The following GALC variants were observed in gnomAD, a reference collection of about 807,000 sequenced individuals.
GALC encodes the protein galactosylceramidase, also known as galactocerebrosidase.
Under a neutral mutation model 91.8 loss-of-function variants are expected in GALC, and 77 were observed. The observed-to-expected ratio is 0.84, with a 90% CI of 0.70 to 1.01. GALC has a LOEUF of 1.01. GALC is among the 50% of genes least tolerant of loss of function. GALC has a pLI of 0.00. For synonymous variants in GALC, 357 were observed against 306.7 expected (o/e 1.16, Z -1.71); for missense variants, 882 against 855.9 (o/e 1.03, Z -0.38).
At chr14:87,967,019 G>T (rs1380652960) in intron 8 of GALC, among the ~76,000 whole-genome samples, 1 of 152,146 alleles carries the variant, frequency 6.6e-6, no homozygotes, top group Non-Finnish European at 1.5e-5. Context: ...GATTCACAAT[G>T]TCTGGGCAGC....
intron 16 of GALC, among the ~76,000 whole-genome samples, chr14:87,938,952 T>C (rs429544): frequency 0.97 from 147,989 of 151,942 alleles, 72,167 homozygotes; most frequent in Non-Finnish European, 1. Flanking sequence ...AAAGACAACA[T>C]GATAGAAAAA....
At position 87,990,438 on chromosome 14, in the gene GALC, A is replaced by G. The variant is rs115633693; in HGVS notation, c.196-1915T>C. The stretch of plus-strand genomic sequence containing the variant: ...TAGATGTATGTAAAGGACTTGGCAC[A>G]TTACCTGGCACATAGTAAGTTCTCA... On this transcript the variant is annotated intron_variant, in intron 1 of 16. Coordinates refer to ENST00000261304, the MANE Select transcript of GALC (RefSeq NM_000153.4). Among the ~76,000 whole-genome samples the G allele has an allele frequency of 3.8e-3, 580 of 152,326 alleles. 3 individuals carry two copies. The highest frequency in any genetic ancestry group is 0.013 in the African/African-American group (540 of 41,584).
At position 87,993,122 on chromosome 14, in the gene GALC, T is replaced by G; in HGVS notation, c.43A>C (p.Lys15Gln). Residue 15 changes from lysine to glutamine, a missense_variant, in exon 1 of 17, where the codon AAA (lysine) becomes CAA (glutamine). Physicochemically the swap from Lys to Gln is moderately conservative, Grantham distance 53. Transcript: ENST00000261304. ...LLSASWQRRAKAMTAAAGSAG... is the reference protein window; with the variant it reads ...LLSASWQRRAQAMTAAAGSAG... ...GAACCCGCGGCCGCAGTCATAGCTT[T>G]CGCTCGGCGTTGCCAGGAAGCCGAG... 2.5e-6 allele frequency: 4 copies of G among 1,587,482 alleles called. No individual in the cohort carries two copies. Among genetic ancestry groups the G allele is most frequent in the Non-Finnish European group, 2.6e-6 (3 of 1,167,978 alleles).
At chr14:87,951,412 T>A (rs1298276901) in intron 10 of GALC, among the ~76,000 whole-genome samples, 3 of 151,958 alleles carry the variant, frequency 2.0e-5, no homozygotes, top group Non-Finnish European at 1.5e-5. Context: ...GAGATTTCAA[T>A]ATCCATCTCT....
At chr14:87,972,671 C>T (rs1886343985) in intron 7 of GALC, among the ~76,000 whole-genome samples, 1 of 151,664 alleles carries the variant, frequency 6.6e-6, no homozygotes, top group Admixed American at 6.6e-5. Context: ...GAAGGCTAAA[C>T]TAGAAGGAAC....
At chr14:87,986,968 C>A in intron 3 of GALC, 1 of 444,248 alleles carries the variant, frequency 2.3e-6, no homozygotes, top group South Asian at 1.7e-5. Context: ...GTTCTGATTA[C>A]CTCAACTTTC....
intron 16 of GALC, 58 bp from the exon 17 acceptor site, chr14:87,934,936 G>T: frequency 7.6e-7 from 1 of 1,318,720 alleles, no homozygotes; most frequent in Non-Finnish European, 1.1e-6. Context: ...TCTGAAGTCT[G>T]TTTCTTGATC....
At chr14:87,941,625 C>T (rs947379038) in intron 14 of GALC, 67 bp from the exon 15 acceptor site, 17 of 1,063,118 alleles carry the variant, frequency 1.6e-5, no homozygotes, top group Non-Finnish European at 2.5e-5. Flanking sequence ...ACAGATATGT[C>T]ATTTCACAGC....
At chr14:87,983,058 G>A (rs189647322) in intron 5 of GALC, among the ~76,000 whole-genome samples, 3 of 152,194 alleles carry the variant, frequency 2.0e-5, no homozygotes, top group South Asian at 2.1e-4. Context: ...AAAGTTCTCC[G>A]GCCAGGCGTG....
intron 14 of GALC, among the ~76,000 whole-genome samples, chr14:87,944,518 T>A (rs1884987003): frequency 6.6e-6 from 1 of 151,854 alleles, no homozygotes; most frequent in Admixed American, 6.6e-5. Context: ...AGTTTCCACC[T>A]CAGAGACAAT....
chr14:87,993,048 G>A lies in GALC; in HGVS notation c.117C>T (p.Pro39=), dbSNP rs962360205. Residue 39 remains proline (P), a synonymous_variant, in exon 1 of 17, where the codon CCC becomes CCT. Coordinates refer to ENST00000261304, the MANE Select transcript of GALC (RefSeq NM_000153.4). ...VPLLLCALLA[P]GGAYVLDDSD... ...AGTCGTCGAGCACGTACGCGCCGCCGGGCGCCAGCAGCGCACACAGCAGCA... is the reference window on the plus strand; with the variant it reads ...AGTCGTCGAGCACGTACGCGCCGCCAGGCGCCAGCAGCGCACACAGCAGCA... 8 of 1,557,734 alleles carry A rather than the reference G, an allele frequency of 5.1e-6. No individual in the cohort carries two copies. The highest frequency in any genetic ancestry group is 2.3e-5 in the South Asian group (2 of 85,358).
At chr14:87,992,901 G>A (rs976584978) in intron 1 of GALC, 69 bp downstream of exon 1, 15 of 1,454,342 alleles carry the variant, frequency 1.0e-5, no homozygotes, top group African/African-American at 4.5e-5. Context: ...CGCCGCGGGG[G>A]CTTGTGGGGC....
At position 87,960,172 on chromosome 14, in the gene GALC, G is replaced by A. The variant is rs569839875; in HGVS notation, c.1161+3212C>T. The stretch of plus-strand genomic sequence containing the variant: ...GAAGGACAGGAAGAGGTCGGTCAAC[G>A]GGTACAAAGTAACTATTGGACAGGA... On this transcript the variant is annotated intron_variant, in intron 10 of 16. Coordinates refer to ENST00000261304, the MANE Select transcript of GALC (RefSeq NM_000153.4). Among the ~76,000 whole-genome samples, 20 of 142,778 alleles carry A rather than the reference G, an allele frequency of 1.4e-4. No individual in the cohort carries two copies. The South Asian group carries it at 2.3e-3, about 17-fold the overall frequency. The allele number at this position is 142,778 out of a possible 152,430, so 93.7% of individuals were successfully genotyped here.
At position 87,988,548 on chromosome 14, in the gene GALC, A is replaced by G. The variant is rs770056135; in HGVS notation, c.196-25T>C. ...CCTAAAAAAAAAAGTTTTCAAAAGT[A>G]TGAATAAAAGAAATCCAGTCATGAA... On this transcript the variant is annotated intron_variant, in intron 1 of 16. Coordinates refer to ENST00000261304, the MANE Select transcript of GALC (RefSeq NM_000153.4). 2.4e-5 allele frequency: 37 copies of G among 1,530,484 alleles called. No homozygotes were observed. In the Admixed American group the frequency reaches 6.2e-4, roughly 26 times the overall value. The allele number at this position is 1,530,484 out of a possible 1,614,324, so 94.8% of individuals were successfully genotyped here.
intron 10 of GALC, chr14:87,954,919 CATG>C: frequency 6.5e-7 from 1 of 1,549,538 alleles, no homozygotes; most frequent in Non-Finnish European, 8.9e-7. Flanking sequence ...TGATGGAAGA[CATG>C]ATGTTTACAT....
intron 1 of GALC, chr14:87,992,158 A>G: frequency 1.2e-6 from 1 of 857,334 alleles, no homozygotes; most frequent in Non-Finnish European, 1.8e-6. Flanking sequence ...TGCAGCAGGC[A>G]TTCAAGCTTG....
At chr14:87,991,682 T>C (rs1279128716) in intron 1 of GALC, among the ~76,000 whole-genome samples, 2 of 152,226 alleles carry the variant, frequency 1.3e-5, no homozygotes, top group Non-Finnish European at 2.9e-5. Flanking sequence ...TGAGTTCCTA[T>C]GAGGAGTAAT....
chr14:87,949,163 G>A (rs917530587), intron 12 of GALC, among the ~76,000 whole-genome samples: 6 of 149,220 alleles, frequency 4.0e-5, no homozygotes, highest in Non-Finnish European at 7.4e-5. Context: ...AAGTTGAGGA[G>A]AGGCCATTCT....
intron 14 of GALC, among the ~76,000 whole-genome samples, chr14:87,942,173 C>G (rs1008322140): frequency 2.0e-5 from 3 of 152,004 alleles, no homozygotes; most frequent in Admixed American, 2.0e-4. Flanking sequence ...ACTCAGTTCA[C>G]TGGCCCTACC....
Sources: allele counts gnomAD v4.1 joint callset (sites outside exome capture counted in the v4.1 genomes callset), GRCh38; gene constraint gnomAD v4.1.1; transcripts MANE v1.5; gene names NCBI Gene and HGNC (gene_info 2026-07-23, HGNC 2026-07-21).